Variants in CEP57L1 observed in about 807,000 individuals in gnomAD.
CEP57L1 encodes centrosomal protein CEP57L1.
In CEP57L1, 37 loss-of-function variants were observed where a neutral mutation model predicts 61.0. That is an observed-to-expected ratio of 0.61 (90% CI 0.47 to 0.80). CEP57L1 has a LOEUF of 0.80. CEP57L1 is among the 30% of genes least tolerant of loss of function. The pLI is 0.00. For missense variants in CEP57L1, 422 were observed against 524.7 expected, an observed-to-expected ratio of 0.80 and a Z score of 1.91; for synonymous variants, 137 against 162.3, an observed-to-expected ratio of 0.84 and a Z score of 1.19.
Position 109,118,220 on chromosome 6 carries a change from A to G in CEP57L1, c.-4+22645A>G, listed in dbSNP as rs1317434451. ...CCAGCTAATTTTTTGTATTTTTAGT[A>G]GAGACAGGGTTTCACCATATTGGCC... is the stretch of plus-strand genomic sequence containing the variant. On this transcript the variant is annotated intron_variant, in intron 1 of 10. Transcript: ENST00000517392. 2.0e-5 allele frequency among the ~76,000 whole-genome samples: 3 copies of G among 152,284 alleles called. No homozygotes were observed. In the Middle Eastern group the frequency reaches 0.01, roughly 518 times the overall value.
intron 1 of CEP57L1, among the ~76,000 whole-genome samples, chr6:109,107,055 A>G (rs529219171): frequency 4.2e-4 from 64 of 152,314 alleles, no homozygotes; most frequent in African/African-American, 1.5e-3. Flanking sequence ...TCAAACTACA[A>G]TTTTCAATTT....
rs928855111 is a variant in CEP57L1 at position 109,170,212 on chromosome 6, A to G, written c.*7242A>G. Among the ~76,000 whole-genome samples the G allele has an allele frequency of 5.9e-5, 9 of 152,328 alleles. No homozygotes were observed. The highest frequency in any genetic ancestry group is 2.2e-4 in the African/African-American group (9 of 41,582). ...CTTGTAGAAGTTTATTCACCACTAC[A>G]AATTACTAAAGTTAACCTAAACAAT... On this transcript the variant is annotated 3_prime_UTR_variant, in exon 11 of 11. Coordinates refer to ENST00000517392, the MANE Select transcript of CEP57L1 (RefSeq NM_001271852.3).
intron 1 of CEP57L1, among the ~76,000 whole-genome samples, chr6:109,141,118 C>G (rs571391130): frequency 1.4e-3 from 219 of 152,034 alleles, no homozygotes; most frequent in African/African-American, 4.5e-3. Context: ...ACATGAGCCA[C>G]CGCGCCCAGC....
chr6:109,150,336 A>G, intron 4 of CEP57L1, 97 bp downstream of exon 4: 1 of 1,443,134 alleles, frequency 6.9e-7, no homozygotes, highest in Non-Finnish European at 9.5e-7. Flanking sequence ...AGGTGGCATA[A>G]TGTTAGAATG....
Position 109,147,812 on chromosome 6 carries a change from A to G in CEP57L1, c.340+875A>G, listed in dbSNP as rs547995235. ...AAACTTTCAGCCTCTGTTTTTCCAG[A>G]TGATGTTATTTCCATCAACAACCAG... On this transcript the variant is annotated intron_variant, in intron 3 of 10. Coordinates refer to ENST00000517392, the MANE Select transcript of CEP57L1 (RefSeq NM_001271852.3). Among the ~76,000 whole-genome samples, 20 of 152,308 alleles carry G rather than the reference A, an allele frequency of 1.3e-4. No individual in the cohort carries two copies. In the South Asian group the frequency reaches 4.1e-3, roughly 32 times the overall value.
intron 1 of CEP57L1, among the ~76,000 whole-genome samples, chr6:109,113,701 G>A (rs969812770): frequency 1.3e-5 from 2 of 152,050 alleles, no homozygotes; most frequent in African/African-American, 4.8e-5. Context: ...GTGAAAAAAT[G>A]TATGTATTAA....
At chr6:109,143,807 A>G (rs1771674749) in intron 1 of CEP57L1, among the ~76,000 whole-genome samples, 1 of 152,156 alleles carries the variant, frequency 6.6e-6, no homozygotes, top group Non-Finnish European at 1.5e-5. Flanking sequence ...TCATTGGAGA[A>G]ACCCACCCGG....
chr6:109,131,186 T>C (rs1160928786), intron 1 of CEP57L1, among the ~76,000 whole-genome samples: 2 of 152,242 alleles, frequency 1.3e-5, no homozygotes, highest in African/African-American at 4.8e-5. Context: ...TGAATGTCAT[T>C]GAAGTATAAT....
intron 4 of CEP57L1, among the ~76,000 whole-genome samples, 179 bp from the exon 5 acceptor site, chr6:109,153,654 A>G (rs908234345): frequency 6.6e-6 from 1 of 152,212 alleles, no homozygotes; most frequent in Non-Finnish European, 1.5e-5. Flanking sequence ...ATAAATAACA[A>G]AAAGTATTTG....
chr6:109,135,912 A>G (rs1770611299), intron 1 of CEP57L1, among the ~76,000 whole-genome samples: 2 of 152,156 alleles, frequency 1.3e-5, no homozygotes, highest in African/African-American at 4.8e-5. Context: ...AAGTCAGGAA[A>G]CAACAGGTGC....
chr6:109,134,191 A>G (rs1383016301), intron 1 of CEP57L1, among the ~76,000 whole-genome samples: 2 of 152,150 alleles, frequency 1.3e-5, no homozygotes, highest in African/African-American at 4.8e-5. Context: ...GAATCCAGCA[A>G]CACATCAAAA....
intron 1 of CEP57L1, among the ~76,000 whole-genome samples, chr6:109,130,107 G>A (rs552917218): frequency 2.6e-5 from 4 of 152,104 alleles, no homozygotes; most frequent in East Asian, 1.9e-4. Context: ...CAAGCCCATC[G>A]AATCAAAGAT....
At chr6:109,124,871 G>A (rs1262827481) in intron 1 of CEP57L1, 1 of 152,068 alleles carries the variant, frequency 6.6e-6, no homozygotes, top group Non-Finnish European at 1.5e-5. Context: ...GATTCCCATA[G>A]CATCCTATGT....
intron 1 of CEP57L1, among the ~76,000 whole-genome samples, chr6:109,144,940 T>C (rs1771794897): frequency 6.6e-6 from 1 of 152,046 alleles, no homozygotes; most frequent in Non-Finnish European, 1.5e-5. Context: ...TATGGGTAAC[T>C]GAGAAACCAG....
chr6:109,143,922 A>G (rs1185557959), intron 1 of CEP57L1, among the ~76,000 whole-genome samples: 1 of 152,066 alleles, frequency 6.6e-6, no homozygotes, highest in African/African-American at 2.4e-5. Context: ...GGATTTACGT[A>G]CTTTAGGGCC....
At chr6:109,116,625 G>A (rs1772343482) in intron 1 of CEP57L1, among the ~76,000 whole-genome samples, 1 of 152,090 alleles carries the variant, frequency 6.6e-6, no homozygotes, top group South Asian at 2.1e-4. Context: ...GAGAAACTTT[G>A]TCTAAAGTAT....
intron 7 of CEP57L1, chr6:109,158,011 C>A (rs1773379595): frequency 1.3e-5 from 2 of 152,230 alleles, no homozygotes; most frequent in Admixed American, 6.6e-5. Flanking sequence ...ATCTGTTCAC[C>A]ATCTGTGTAT....
At position 109,171,404 on chromosome 6, in the gene CEP57L1, G is replaced by GTT. The variant is rs766160534; in HGVS notation, c.*8444_*8445dup. ...CAGGCATGCGTCACCACACCCGGCT[G>GTT]TTTTTTTTTTTCGCATTTTTAATAG... On this transcript the variant is annotated 3_prime_UTR_variant, in exon 11 of 11. Coordinates refer to ENST00000517392, the MANE Select transcript of CEP57L1 (RefSeq NM_001271852.3). 1.6e-4 allele frequency among the ~76,000 whole-genome samples: 19 copies of GTT among 121,848 alleles called. No individual in the cohort carries two copies. The highest frequency in any genetic ancestry group is 4.9e-4 in the African/African-American group (18 of 36,386). 79.9% of individuals were successfully genotyped at this position (121,848 alleles called of 152,430 possible).
intron 1 of CEP57L1, chr6:109,130,822 T>G (rs961470644): frequency 5.3e-5 from 8 of 152,186 alleles, no homozygotes; most frequent in Non-Finnish European, 1.2e-4. Flanking sequence ...CATGGTGGCC[T>G]TCTACCTCTC....
Sources: gnomAD v4.1 joint callset for allele counts (sites outside exome capture counted in the v4.1 genomes callset) on GRCh38, gnomAD v4.1.1 for gene constraint, MANE v1.5 for transcripts, NCBI Gene and HGNC (gene_info 2026-07-23, HGNC 2026-07-21) for gene names.